The following MTRR variants were observed in gnomAD, a reference collection of about 807,000 sequenced individuals.
MTRR encodes the protein 5-methyltetrahydrofolate-homocysteine methyltransferase reductase, also known as methionine synthase reductase.
Under a neutral mutation model 79.2 loss-of-function variants are expected in MTRR, and 63 were observed. The ratio of observed to expected loss-of-function variants is 0.80; its 90% CI spans 0.65 to 0.98. MTRR has a LOEUF of 0.98. Among genes scored for constraint, MTRR ranks in the 50% least tolerant of loss-of-function variants. The pLI is 0.00. For synonymous variants in MTRR, 355 were observed against 313.3 expected, an observed-to-expected ratio of 1.13 and a Z score of -1.41; for missense variants, 895 against 839.6, an observed-to-expected ratio of 1.07 and a Z score of -0.82.
At chr5:7,860,002 G>A (rs1017705177) in intron 1 of MTRR, among the ~76,000 whole-genome samples, 4 of 152,164 alleles carry the variant, frequency 2.6e-5, no homozygotes, top group African/African-American at 9.7e-5. Flanking sequence ...GAGAGCAGGA[G>A]GCGCAGCAAA....
At chr5:7,877,882 T>C in intron 4 of MTRR, 62 bp from the exon 5 acceptor site, 2 of 1,598,450 alleles carry the variant, frequency 1.3e-6, no homozygotes, top group Middle Eastern at 2.2e-4. Flanking sequence ...CATTATCCTG[T>C]TCTGTGTTCA....
intron 10 of MTRR, 49 bp downstream of exon 10, chr5:7,891,463 TAGACTC>T (rs3214449): frequency 0.037 from 54,546 of 1,465,816 alleles, 1,898 homozygotes; most frequent in East Asian, 0.17. Context: ...TCCAAAATCT[TAGACTC>T]AGGCTTCCAG....
chr5:7,891,535 G>A, intron 10 of MTRR, 121 bp downstream of exon 10: 1 of 781,182 alleles, frequency 1.3e-6, no homozygotes, highest in Non-Finnish European at 2.2e-6. Context: ...ATGGAAGACA[G>A]TACCAGGCAT....
chr5:7,861,387 A>G, intron 1 of MTRR: 1 of 606,386 alleles, frequency 1.6e-6, no homozygotes, highest in South Asian at 4.6e-5. Flanking sequence ...TTATTTTCAA[A>G]TGAATCATGA....
chr5:7,873,917 C>A (rs1483125187), intron 3 of MTRR, among the ~76,000 whole-genome samples: 1 of 152,220 alleles, frequency 6.6e-6, no homozygotes, highest in East Asian at 1.9e-4. Context: ...TTGATAACTT[C>A]TCTAAGAACG....
intron 2 of MTRR, among the ~76,000 whole-genome samples, 192 bp from the exon 3 acceptor site, chr5:7,873,181 T>C (rs1027109830): frequency 6.6e-6 from 1 of 152,226 alleles, no homozygotes; most frequent in African/African-American, 2.4e-5. Flanking sequence ...CATGGTTTCC[T>C]TGAATGACAT....
Position 7,885,681 on chromosome 5 carries a change from T to TTTC in MTRR, c.904-20_904-19insTTC, listed in dbSNP as rs1554003809. On this transcript the variant is annotated intron_variant, in intron 6 of 14. Transcript: ENST00000440940. Reference sequence around the variant, plus strand: ...ACACGTATAATGTATTTTTTTTTTTTCATTTTGGCTCTTCTCTAGAATACA... The same window carrying TTTC: ...ACACGTATAATGTATTTTTTTTTTTTTTCCATTTTGGCTCTTCTCTAGAATACA... 2,629 of 1,592,668 alleles carry TTTC rather than the reference T, an allele frequency of 1.7e-3. 4 individuals are homozygous for TTTC. The highest frequency in any genetic ancestry group is 2.1e-3 in the Non-Finnish European group (2,390 of 1,163,346).
rs558227104 is a variant in MTRR, at chr5:7,888,953, C to T, written c.1147-142C>T. On this transcript the variant is annotated intron_variant, in intron 8 of 14. Coordinates refer to ENST00000440940, the MANE Select transcript of MTRR (RefSeq NM_002454.3). ...TTAAAGCAAATGGTAAATTAAATTC[C>T]CTCCTCCTGACAATAGCTCCTAGTG... The T allele has an allele frequency of 4.8e-6, 4 of 829,320 alleles. 1 individual carries two copies. Among genetic ancestry groups the T allele is most frequent in the South Asian group, 4.7e-5 (3 of 63,858 alleles). The allele number at this position is 829,320 out of a possible 1,614,324, so 51.4% of individuals were successfully genotyped here.
At chr5:7,866,892 A>C (rs920032596), upstream of MTRR, 5 of 1,614,212 alleles carry the variant, frequency 3.1e-6, no homozygotes, top group Non-Finnish European at 4.2e-6. Context: ...TCTGTTTGGC[A>C]AACAAAAGTT....
chr5:7,899,154 A>G (rs976125678), intron 14 of MTRR, among the ~76,000 whole-genome samples: 1 of 152,098 alleles, frequency 6.6e-6, no homozygotes, highest in African/African-American at 2.4e-5. Context: ...CAAGCCATTC[A>G]TGAGGCATCT....
chr5:7,867,941 C>T (rs1483812326), upstream of MTRR: 3 of 1,613,962 alleles, frequency 1.9e-6, no homozygotes, highest in Non-Finnish European at 2.5e-6. Context: ...CTCAGGTTGT[C>T]GTGAACACAA....
At chr5:7,867,357 G>T (rs1363466494), upstream of MTRR, 1 of 1,613,974 alleles carries the variant, frequency 6.2e-7, no homozygotes, top group African/African-American at 1.3e-5. Context: ...TCACCTTGAA[G>T]TTGATTTATA....
intron 14 of MTRR, 91 bp from the exon 15 acceptor site, chr5:7,899,823 G>A: frequency 6.8e-7 from 1 of 1,469,484 alleles, no homozygotes; most frequent in South Asian, 1.1e-5. Flanking sequence ...AACTATGGTG[G>A]TACAGTCAAA....
intron 1 of MTRR, among the ~76,000 whole-genome samples, chr5:7,854,055 T>A (rs538177929): frequency 1.3e-3 from 201 of 152,308 alleles, no homozygotes; most frequent in African/African-American, 3.7e-3. Flanking sequence ...GTTCCTTTTT[T>A]AAAAATACTC....
At chr5:7,863,935 C>T (rs1369036078) in intron 2 of MTRR, among the ~76,000 whole-genome samples, 1 of 152,124 alleles carries the variant, frequency 6.6e-6, no homozygotes, top group Non-Finnish European at 1.5e-5. Flanking sequence ...ACTGCAACCT[C>T]CGCCTCCTGG....
rs995750579 is a variant in MTRR at position 7,891,366 on chromosome 5, T to G, written c.1328-6T>G. 2.5e-6 allele frequency: 4 copies of G among 1,601,546 alleles called. No individual in the cohort carries two copies. In the African/African-American group the frequency reaches 4.0e-5, roughly 16 times the overall value. Reference sequence around the variant, plus strand: ...TTAATAATTGCTTGTTTTTATTTTTTTCTAGAACATCTTCCTAAACTTCAA... The same window carrying G: ...TTAATAATTGCTTGTTTTTATTTTTGTCTAGAACATCTTCCTAAACTTCAA... On this transcript the variant is annotated splice_polypyrimidine_tract_variant and splice_region_variant and intron_variant, in intron 9 of 14. Transcript: ENST00000440940.
intron 3 of MTRR, among the ~76,000 whole-genome samples, chr5:7,874,295 A>G (rs1198314810): frequency 6.6e-6 from 1 of 152,214 alleles, no homozygotes; most frequent in Non-Finnish European, 1.5e-5. Flanking sequence ...TGGGTTGAGT[A>G]TAATAAATAA....
At position 7,886,721 on chromosome 5, in the gene MTRR, C is replaced by T; in HGVS notation, c.1146+18C>T. ...CTAAAAAGGTATTTTTTTCTGTCTT[C>T]TTCAGGTAACTATTTTAAAATATGC... On this transcript the variant is annotated intron_variant, in intron 8 of 14. Coordinates refer to ENST00000440940, the MANE Select transcript of MTRR (RefSeq NM_002454.3). 6.4e-7 allele frequency: 1 copy of T among 1,558,544 alleles called. No homozygotes were observed.
chr5:7,898,668 G>T (rs768501095), intron 14 of MTRR, among the ~76,000 whole-genome samples: 2 of 152,114 alleles, frequency 1.3e-5, no homozygotes, highest in Non-Finnish European at 2.9e-5. Flanking sequence ...GCAGGATCTT[G>T]GGGTATAAGT....
Sources: gnomAD v4.1 joint callset for allele counts (sites outside exome capture counted in the v4.1 genomes callset) on GRCh38, gnomAD v4.1.1 for gene constraint, MANE v1.5 for transcripts, NCBI Gene and HGNC (gene_info 2026-07-23, HGNC 2026-07-21) for gene names.